The following SLIT3 variants were observed in gnomAD, a reference collection of about 807,000 sequenced individuals.
SLIT3 encodes slit homolog 3 protein.
Under a neutral mutation model 184.0 loss-of-function variants are expected in SLIT3, and 68 were observed. The ratio of observed to expected loss-of-function variants is 0.37; its 90% CI spans 0.30 to 0.45. The LOEUF is 0.45. Ranked by LOEUF, SLIT3 falls within the 20% of genes least tolerant of loss-of-function variation. The pLI is 1.00. For missense variants in SLIT3, 1,707 were observed against 2,026.0 expected (o/e 0.84, Z 3.02); for synonymous variants, 831 against 828.6 (o/e 1.00, Z -0.05).
chr5:168,856,501 ACTCT>A (rs1758874424), intron 5 of SLIT3, among the ~76,000 whole-genome samples: 1 of 151,938 alleles, frequency 6.6e-6, no homozygotes, highest in African/African-American at 2.4e-5. Flanking sequence ...AAATTTTAAA[ACTCT>A]CTCTCCCAGC....
At chr5:168,687,294 C>T (rs1761777156) in intron 29 of SLIT3, among the ~76,000 whole-genome samples, 178 bp from the exon 30 acceptor site, 2 of 152,228 alleles carry the variant, frequency 1.3e-5, no homozygotes, top group South Asian at 4.1e-4. Context: ...GGCCTTTGTT[C>T]CATTCATGGT....
At chr5:169,077,323 G>T (rs1758784353) in intron 4 of SLIT3, among the ~76,000 whole-genome samples, 1 of 152,024 alleles carries the variant, frequency 6.6e-6, no homozygotes, top group South Asian at 2.1e-4. Flanking sequence ...GGATCACAAG[G>T]TCAGGAGTTC....
chr5:168,699,770 G>A (rs567677789), intron 27 of SLIT3, among the ~76,000 whole-genome samples: 1 of 152,190 alleles, frequency 6.6e-6, no homozygotes, highest in African/African-American at 2.4e-5. Context: ...TACTGGATAG[G>A]GTCTGTAGGG....
At chr5:169,288,938 C>T (rs4339366) in intron 1 of SLIT3, among the ~76,000 whole-genome samples, 91,440 of 152,070 alleles carry the variant, frequency 0.6, 27,750 homozygotes, top group South Asian at 0.66. Context: ...AAAATATACC[C>T]TGATCGTCTT....
chr5:168,712,650 C>G (rs527635392), intron 23 of SLIT3: 449 of 315,056 alleles, frequency 1.4e-3, no homozygotes, highest in Middle Eastern at 2.9e-3. Context: ...GGATAAGTTA[C>G]GTCACTTTTC....
Position 168,726,462 on chromosome 5 carries a change from G to C in SLIT3, c.2271-1978C>G, listed in dbSNP as rs1220113923. 3.4e-4 allele frequency among the ~76,000 whole-genome samples: 6 copies of C among 17,904 alleles called. 1 individual carries two copies. Among genetic ancestry groups the C allele is most frequent in the African/African-American group, 5.5e-4 (3 of 5,450 alleles). The allele number at this position is 17,904 out of a possible 152,430, so 11.7% of individuals were successfully genotyped here. On this transcript the variant is annotated intron_variant, in intron 20 of 35. Transcript: ENST00000519560. ...AGGCAGGGAGGGAGGGAGAGGGAGGGAGGGAGAGGGAGGGAGGAAGGGAGG... is the reference window on the plus strand; with the variant it reads ...AGGCAGGGAGGGAGGGAGAGGGAGGCAGGGAGAGGGAGGGAGGAAGGGAGG...
chr5:169,113,089 T>C (rs1052651224), intron 4 of SLIT3, among the ~76,000 whole-genome samples: 4 of 152,206 alleles, frequency 2.6e-5, no homozygotes, highest in African/African-American at 9.6e-5. Flanking sequence ...AACATCTTAA[T>C]GGCGTTCAAG....
At chr5:169,014,690 C>A (rs968964004) in intron 4 of SLIT3, among the ~76,000 whole-genome samples, 1 of 152,206 alleles carries the variant, frequency 6.6e-6, no homozygotes, top group African/African-American at 2.4e-5. Flanking sequence ...GTGGTTCATT[C>A]TTTTAATCCC....
rs1197654432 is a variant in SLIT3, at chr5:168,746,988, ATGTGTGG to A, written c.2270+1307_2270+1313del. ...TGGTGTGTGGTGTGTGGTGGTGTGG[ATGTGTGG>A]TGTGTGGTGTGGTGGTGTGTGGTGT... On this transcript the variant is annotated intron_variant, in intron 20 of 35. Transcript: ENST00000519560. 2.3e-4 allele frequency among the ~76,000 whole-genome samples: 13 copies of A among 56,780 alleles called. No individual in the cohort carries two copies. The East Asian group carries it at 3.4e-3, about 15-fold the overall frequency. The allele number at this position is 56,780 out of a possible 152,430, so 37.2% of individuals were successfully genotyped here.
chr5:169,212,580 T>C (rs1764301970), intron 3 of SLIT3, among the ~76,000 whole-genome samples: 1 of 152,168 alleles, frequency 6.6e-6, no homozygotes, highest in Admixed American at 6.5e-5. Context: ...CTGTTCACTC[T>C]GATAGTTTCT....
chr5:169,237,257 A>C (rs1485865704), intron 3 of SLIT3, among the ~76,000 whole-genome samples: 1 of 152,022 alleles, frequency 6.6e-6, no homozygotes, highest in Non-Finnish European at 1.5e-5. Flanking sequence ...AAAAATTTGC[A>C]CGCATTATAG....
rs1761764787 is a variant in SLIT3 at position 168,687,020 on chromosome 5, G to A, written c.3273C>T (p.Asp1091=). ...AGGTGCATGTGTAGCCATTGATTGT[G>A]TCCACGCACTGGGCCCCGTGGCGGC... ...HKCRHGAQCV[D]TINGYTCTCP... The change falls in exon 30 of 36, where the codon GAC becomes GAT. Residue 1091 remains aspartate, a synonymous_variant. Transcript: ENST00000519560. 2 of 1,614,242 alleles carry A rather than the reference G, an allele frequency of 1.2e-6. No homozygotes were observed. The highest frequency in any genetic ancestry group is 1.6e-4 in the Middle Eastern group (1 of 6,062).
chr5:168,917,507 C>T (rs1013595569), intron 4 of SLIT3, among the ~76,000 whole-genome samples: 1 of 152,174 alleles, frequency 6.6e-6, no homozygotes, highest in Non-Finnish European at 1.5e-5. Context: ...AACCAGTACT[C>T]CAAACAAGAC....
At position 168,664,623 on chromosome 5, in the gene SLIT3, A is replaced by G. The variant is rs1397414953; in HGVS notation, c.*1831T>C. On this transcript the variant is annotated 3_prime_UTR_variant, in exon 36 of 36. Transcript: ENST00000519560. Reference sequence around the variant, plus strand: ...GCCCACCATTGGTACTCACAGATCAACTAGGCTCCTCTAGGGAACCTGAGG... The same window carrying G: ...GCCCACCATTGGTACTCACAGATCAGCTAGGCTCCTCTAGGGAACCTGAGG... 2.0e-5 allele frequency: 3 copies of G among 152,208 alleles called. No individual in the cohort carries two copies. The highest frequency in any genetic ancestry group is 4.4e-5 in the Non-Finnish European group (3 of 68,050). 9.4% of individuals were successfully genotyped at this position (152,208 alleles called of 1,614,324 possible). A position where few individuals can be genotyped will look rare whatever the true frequency, so the allele number is the denominator to read the frequency against.
At chr5:169,080,838 C>T (rs74834981) in intron 4 of SLIT3, among the ~76,000 whole-genome samples, 1,588 of 152,292 alleles carry the variant, frequency 0.01, 24 homozygotes, top group Middle Eastern at 0.044. Context: ...CATGTTGACC[C>T]TAAGAACCAC....
intron 4 of SLIT3, among the ~76,000 whole-genome samples, chr5:169,054,514 T>A (rs550079095): frequency 2.0e-5 from 3 of 152,310 alleles, no homozygotes; most frequent in African/African-American, 7.2e-5. Context: ...AATTCAGGTC[T>A]CTGTCTCCTT....
At chr5:168,843,390 G>A (rs1474295870) in intron 6 of SLIT3, among the ~76,000 whole-genome samples, 6 of 152,138 alleles carry the variant, frequency 3.9e-5, no homozygotes, top group African/African-American at 1.4e-4. Context: ...TGATTCTTCT[G>A]GAATCAGAGA....
intron 4 of SLIT3, among the ~76,000 whole-genome samples, chr5:168,986,567 C>T (rs1755138798): frequency 1.3e-5 from 2 of 152,186 alleles, no homozygotes; most frequent in Admixed American, 6.5e-5. Flanking sequence ...TGCACGCTCT[C>T]TCCTTTATCA....
chr5:168,763,058 T>C (rs1172278455), intron 14 of SLIT3, among the ~76,000 whole-genome samples: 3 of 151,980 alleles, frequency 2.0e-5, no homozygotes, highest in Admixed American at 6.6e-5. Flanking sequence ...TTTTAGGGGG[T>C]CTACCTGCTT....
Sources: gnomAD v4.1 joint callset for allele counts (sites outside exome capture counted in the v4.1 genomes callset) on GRCh38, gnomAD v4.1.1 for gene constraint, MANE v1.5 for transcripts, NCBI Gene and HGNC (gene_info 2026-07-23, HGNC 2026-07-21) for gene names.